Variants in RBCK1 observed in about 807,000 individuals in gnomAD.
RBCK1 encodes RANBP2-type and C3HC4-type zinc finger containing 1, also known as ranBP-type and C3HC4-type zinc finger-containing protein 1.
RBCK1 carries 44 observed loss-of-function variants against 71.1 expected under a neutral mutation model. The ratio of observed to expected loss-of-function variants is 0.62; its 90% CI spans 0.49 to 0.80. The LOEUF is 0.80. Ranked by LOEUF, RBCK1 falls within the 30% of genes least tolerant of loss-of-function variation. The pLI, the probability that RBCK1 is intolerant of heterozygous loss-of-function variation, is 0.00. For synonymous variants in RBCK1, 306 were observed against 279.7 expected, an observed-to-expected ratio of 1.09 and a Z score of -0.94; for missense variants, 569 against 685.0, an observed-to-expected ratio of 0.83 and a Z score of 1.89.
At chr20:414,991 C>A (rs1436253971) in intron 2 of RBCK1, among the ~76,000 whole-genome samples, 1 of 152,078 alleles carries the variant, frequency 6.6e-6, no homozygotes, top group African/African-American at 2.4e-5. Context: ...AAATTGTTTA[C>A]CTGAAGAATT....
Position 417,454 on chromosome 20 carries a change from CAT to C in RBCK1, c.168-71_168-70del. ...CCATGTGCCTGTGTGCAAATATGTA[CAT>C]GTCTGTAGCCGGTGGCTGAGGCTGG... On this transcript the variant is annotated intron_variant, in intron 2 of 11. Coordinates refer to ENST00000356286, the MANE Select transcript of RBCK1 (RefSeq NM_031229.4). This position sits in a 1 kb window ranked among gnomAD's most constrained non-coding sequence, Gnocchi z 4.7. The C allele has an allele frequency of 4.7e-6, 6 of 1,285,316 alleles. No individual in the cohort carries two copies. Among genetic ancestry groups the C allele is most frequent in the Non-Finnish European group, 5.6e-6 (5 of 884,962 alleles). The allele number at this position is 1,285,316 out of a possible 1,614,324, so 79.6% of individuals were successfully genotyped here.
At chr20:424,028 A>G (rs556583903) in intron 8 of RBCK1, among the ~76,000 whole-genome samples, 2 of 152,320 alleles carry the variant, frequency 1.3e-5, no homozygotes, top group South Asian at 2.1e-4. Context: ...ACACTGTCCC[A>G]TTGGCCAAAG....
chr20:430,433 TAA>T lies in RBCK1; in HGVS notation c.*5_*6del. On this transcript the variant is annotated 3_prime_UTR_variant, in exon 12 of 12. Transcript: ENST00000356286. The surrounding 1 kb of genome is among the most constrained non-coding windows in gnomAD (Gnocchi z 5.6). ...CAAGCTGTCAGAACTGCCACTGAGC[TAA>T]AGATGGTGGGGCCACATGCTGACCC... 1 of 1,608,354 alleles carries T rather than the reference TAA, an allele frequency of 6.2e-7. No individual in the cohort carries two copies. The highest frequency in any genetic ancestry group is 1.1e-5 in the South Asian group (1 of 90,958).
chr20:420,774 AC>A, intron 6 of RBCK1, 96 bp from the exon 7 acceptor site: 1 of 910,394 alleles, frequency 1.1e-6, no homozygotes, highest in Non-Finnish European at 1.5e-6. Context: ...GGCTGGTCTG[AC>A]CCAGCCCTGA....
At chr20:410,366 CAG>C (rs1232988888) in intron 2 of RBCK1, 1 of 773,852 alleles carries the variant, frequency 1.3e-6, no homozygotes, top group Non-Finnish European at 2.4e-6. Context: ...CGACAGTCCT[CAG>C]AGGCTCATAT....
intron 2 of RBCK1, among the ~76,000 whole-genome samples, chr20:412,462 G>A (rs1487336520): frequency 6.6e-6 from 1 of 151,934 alleles, no homozygotes; most frequent in African/African-American, 2.4e-5. Context: ...CTGGATTACA[G>A]GTGCCCACCA....
At chr20:426,321 A>G (rs2016712163) in intron 8 of RBCK1, among the ~76,000 whole-genome samples, 1 of 152,052 alleles carries the variant, frequency 6.6e-6, no homozygotes, top group South Asian at 2.1e-4. Flanking sequence ...TTTTGTACCA[A>G]TTTGCCATCC....
In RBCK1 at chr20:408,733, A is replaced by AG. The variant is rs771450771; in HGVS notation, c.-20dup. ...TTTCCCAGGAGGCACGGTCCCCCCC[A>AG]GGGGGATGGGCACAGCCACGCCAGA... On this transcript the variant is annotated 5_prime_UTR_variant, in exon 1 of 12. Coordinates refer to ENST00000356286, the MANE Select transcript of RBCK1 (RefSeq NM_031229.4). 2 of 1,612,234 alleles carry AG rather than the reference A, an allele frequency of 1.2e-6. No individual in the cohort carries two copies. The highest frequency in any genetic ancestry group is 3.3e-5 in the Admixed American group (2 of 59,818).
chr20:425,217 G>T (rs2122305354), intron 8 of RBCK1, among the ~76,000 whole-genome samples: 1 of 152,218 alleles, frequency 6.6e-6, no homozygotes, highest in Non-Finnish European at 1.5e-5. Flanking sequence ...CACCATGTTG[G>T]CCAGGCTGGT....
intron 2 of RBCK1, among the ~76,000 whole-genome samples, chr20:412,070 A>C (rs2122187357): frequency 6.6e-6 from 1 of 152,364 alleles, no homozygotes; most frequent in Middle Eastern, 3.4e-3. Flanking sequence ...AGTTTTCCAA[A>C]GTGGCTGCAC....
rs1187641899 is a variant in RBCK1, at chr20:428,289, A to G, written c.1210-202A>G. 6.6e-6 allele frequency among the ~76,000 whole-genome samples: 1 copy of G among 152,194 alleles called. No homozygotes were observed. Among genetic ancestry groups the G allele is most frequent in the South Asian group, 2.1e-4 (1 of 4,830 alleles). ...GGCTGAGGTATATTTTGCTGTTAGCATATGTGATGACCTTGACTTCACCTC... is the reference window on the plus strand; with the variant it reads ...GGCTGAGGTATATTTTGCTGTTAGCGTATGTGATGACCTTGACTTCACCTC... On this transcript the variant is annotated intron_variant, in intron 9 of 11. Coordinates refer to ENST00000356286, the MANE Select transcript of RBCK1 (RefSeq NM_031229.4). The surrounding 1 kb of genome is among the most constrained non-coding windows in gnomAD (Gnocchi z 5.7).
In RBCK1 at chr20:420,975, G is replaced by C. The variant is rs1053428615; in HGVS notation, c.861G>C (p.Ser287=). 1 of 1,562,730 alleles carries C rather than the reference G, an allele frequency of 6.4e-7. No homozygotes were observed. The highest frequency in any genetic ancestry group is 1.9e-5 in the Admixed American group (1 of 53,126). Residue 287 remains serine (S), a synonymous_variant, in exon 7 of 12, where the codon TCG becomes TCC. Coordinates refer to ENST00000356286, the MANE Select transcript of RBCK1 (RefSeq NM_031229.4). The stretch of plus-strand genomic sequence containing the variant: ...CCGCCGAGTGCCCCGTGTGCTACTC[G>C]GTGCTGGCGCCCGGCGAGGCCGTGG... ...TEPAECPVCY[S]VLAPGEAVVL... is the part of the protein sequence containing the mutation.
rs751005507 is a variant in RBCK1, at chr20:409,907, C to G, written c.49C>G (p.Arg17Gly). ...KAEEMALSLT[R>G]AVAGGDEQVA... ...AGAGGAAATGGCCCTGAGCCTCACCCGAGCAGTGGCGGGCGGGGATGAACA... is the reference window on the plus strand; with the variant it reads ...AGAGGAAATGGCCCTGAGCCTCACCGGAGCAGTGGCGGGCGGGGATGAACA... Residue 17 changes from arginine (R) to glycine (G), a missense_variant, in exon 2 of 12, where the codon CGA becomes GGA. Arg to Gly is a moderately radical substitution (Grantham distance 125). Transcript: ENST00000356286. 4 of 1,613,958 alleles carry G rather than the reference C, an allele frequency of 2.5e-6. No individual in the cohort carries two copies. Among genetic ancestry groups the G allele is most frequent in the East Asian group, 4.5e-5 (2 of 44,892 alleles).
chr20:428,467 C>G lies in RBCK1; in HGVS notation c.1210-24C>G. The G allele has an allele frequency of 6.4e-7, 1 of 1,556,920 alleles. No homozygotes were observed. The highest frequency in any genetic ancestry group is 8.7e-7 in the Non-Finnish European group (1 of 1,147,236). On this transcript the variant is annotated intron_variant, in intron 9 of 11. Coordinates refer to ENST00000356286, the MANE Select transcript of RBCK1 (RefSeq NM_031229.4). This position sits in a 1 kb window ranked among gnomAD's most constrained non-coding sequence, Gnocchi z 5.7. ...CTTAACCCCCTGAGGAACCTTCTTA[C>G]CTTGAGTCCCTCACCCGCTACAGGC...
rs866809178 is a variant in RBCK1 at position 419,701 on chromosome 20, C to T, written c.726C>T (p.Gly242=). ...AGGAGGAGCGAGCGCGCCTGGCGGGCGAGGAGGAGGCGCTGCGTCAGTACC... is the reference window on the plus strand; with the variant it reads ...AGGAGGAGCGAGCGCGCCTGGCGGGTGAGGAGGAGGCGCTGCGTCAGTACC... ...PDEEERARLA[G]EEEALRQYQQ... is the part of the protein sequence containing the mutation. Residue 242 remains glycine, a synonymous_variant, in exon 6 of 12, where the codon GGC becomes GGT. Transcript: ENST00000356286. 1 of 1,570,460 alleles carries T rather than the reference C, an allele frequency of 6.4e-7. No homozygotes were observed. The highest frequency in any genetic ancestry group is 1.8e-5 in the Admixed American group (1 of 54,958).
Position 417,206 on chromosome 20 carries a change from G to T in RBCK1, c.168-320G>T, listed in dbSNP as rs532621367. 5.0e-4 allele frequency: 282 copies of T among 559,554 alleles called. 3 individuals carry two copies. Among genetic ancestry groups the T allele is most frequent in the South Asian group, 4.2e-3 (274 of 65,630 alleles). The allele number at this position is 559,554 out of a possible 1,614,324, so 34.7% of individuals were successfully genotyped here. On this transcript the variant is annotated intron_variant, in intron 2 of 11. Transcript: ENST00000356286. This position sits in a 1 kb window ranked among gnomAD's most constrained non-coding sequence, Gnocchi z 4.7. ...AGCACGTAGTTAACAACAACTTCTG[G>T]TGGTTTCACTAAGGAGCAGGGGAGA...
In RBCK1 at chr20:411,365, G is replaced by A. The variant is rs139219914; in HGVS notation, c.167+1340G>A. ...ACTACTGGCATGTACCACCACACCC[G>A]GCTAATTTTTTTTTTCTTTGAGATG... On this transcript the variant is annotated intron_variant, in intron 2 of 11. Transcript: ENST00000356286. Among the ~76,000 whole-genome samples the A allele has an allele frequency of 2.8e-3, 431 of 151,470 alleles. 1 individual carries two copies. The highest frequency in any genetic ancestry group is 0.024 in the Middle Eastern group (7 of 290).
rs1198684925 is a variant in RBCK1, at chr20:430,191, GA to G, written c.1453-155del. On this transcript the variant is annotated intron_variant, in intron 11 of 11. Transcript: ENST00000356286. The surrounding 1 kb of genome is among the most constrained non-coding windows in gnomAD (Gnocchi z 5.6). Reference sequence around the variant, plus strand: ...GTAGACTGAGTGCTGTGGGAGCCCAGAAAAGGCCTCAGTGACTCTCCATCAG... The same window carrying G: ...GTAGACTGAGTGCTGTGGGAGCCCAGAAAGGCCTCAGTGACTCTCCATCAG... Among the ~76,000 whole-genome samples the G allele has an allele frequency of 6.6e-6, 1 of 152,212 alleles. No homozygotes were observed. The highest frequency in any genetic ancestry group is 1.5e-5 in the Non-Finnish European group (1 of 68,034).
chr20:429,091 T>TG lies in RBCK1; in HGVS notation c.1452+1dup. 1 of 1,611,260 alleles carries TG rather than the reference T, an allele frequency of 6.2e-7. No individual in the cohort carries two copies. The highest frequency in any genetic ancestry group is 8.5e-7 in the Non-Finnish European group (1 of 1,178,720). On this transcript the variant is annotated frameshift_variant, in exon 11 of 12. Transcript: ENST00000356286. LOFTEE classifies it high-confidence loss of function. ...TCACCAAGGGCCCACGCTGGGGCCC[T>TG]GGGGTGAGTCTTTGCTCGTGGTGGT...
Sources: allele counts gnomAD v4.1 joint callset (sites outside exome capture counted in the v4.1 genomes callset), GRCh38; gene constraint gnomAD v4.1.1; non-coding constraint Gnocchi (gnomAD v3.1); transcripts MANE v1.5; gene names NCBI Gene and HGNC (gene_info 2026-07-23, HGNC 2026-07-21).